Variants in ZNF571 observed in about 807,000 individuals in gnomAD.
ZNF571 encodes zinc finger protein 571.
Under a neutral mutation model 7.7 loss-of-function variants are expected in ZNF571, and 4 were observed. The ratio of observed to expected loss-of-function variants is 0.52; its 90% confidence interval spans 0.25 to 1.18. The LOEUF is 1.18. Among genes scored for constraint, ZNF571 ranks in the 50% most tolerant of loss-of-function variants. The pLI is 0.14. For missense variants in ZNF571, 704 were observed against 726.9 expected (o/e 0.97, Z 0.36); for synonymous variants, 251 against 232.4 (o/e 1.08, Z -0.73).
Position 37,581,053 on chromosome 19 carries a change from T to C in ZNF571, c.136+2918A>G, listed in dbSNP as rs575230803. On this transcript the variant is annotated intron_variant, in intron 3 of 3. Transcript: ENST00000451802. Reference sequence around the variant, plus strand: ...ATAATTCTAGCATTATTTACTTCAATTGAAATTTTTGAAATATGCCTATTC... The same window carrying C: ...ATAATTCTAGCATTATTTACTTCAACTGAAATTTTTGAAATATGCCTATTC... 3.9e-5 allele frequency among the ~76,000 whole-genome samples: 6 copies of C among 152,348 alleles called. No homozygotes were observed. The East Asian group carries it at 1.2e-3, about 29-fold the overall frequency.
At position 37,565,632 on chromosome 19, in the gene ZNF571, ATT is replaced by A; in HGVS notation, c.794_795del (p.Gln265LeufsTer9). 1 of 1,613,356 alleles carries A rather than the reference ATT, an allele frequency of 6.2e-7. No homozygotes were observed. Among genetic ancestry groups the A allele is most frequent in the Non-Finnish European group, 8.5e-7 (1 of 1,179,764 alleles). On this transcript the variant is annotated frameshift_variant, in exon 4 of 4. Coordinates refer to ENST00000451802, the MANE Select transcript of ZNF571 (RefSeq NM_016536.5). LOFTEE classifies it low-confidence loss of function (END_TRUNC). ...CTATGAATTCTCTGATGAAGAGTAT[ATT>A]GTGAACAATAACTAAAGGCTTTTCC... ...KCGKAFSYCSQYTLHQRIHSG... is the reference protein window; with the variant it reads ...KCGKAFSYCSXYTLHQRIHSG...
intron 3 of ZNF571, among the ~76,000 whole-genome samples, chr19:37,572,723 C>A (rs928593290): frequency 3.3e-5 from 5 of 152,108 alleles, no homozygotes; most frequent in Non-Finnish European, 7.4e-5. Flanking sequence ...AATCTGTTGG[C>A]CTTAGGAGCC....
Position 37,564,710 on chromosome 19 carries a change from A to C in ZNF571, c.1718T>G (p.Leu573Arg), listed in dbSNP as rs4802029. The C allele has an allele frequency of 6.2e-7, 1 of 1,613,518 alleles. No individual in the cohort carries two copies. The highest frequency in any genetic ancestry group is 8.5e-7 in the Non-Finnish European group (1 of 1,179,756). The change falls in exon 4 of 4, where the codon CTT (leucine) becomes CGT (arginine). Residue 573 changes from leucine (L) to arginine (R), a missense_variant. Transcript: ENST00000451802. ...CGRAFSRGSE[L>R]TLHQRIHTGE... Reference sequence around the variant, plus strand: ...AGTATGGATCCTTTGATGCAGAGTAAGTTCTGAGCCACGACTAAAGGCCCT... The same window carrying C: ...AGTATGGATCCTTTGATGCAGAGTACGTTCTGAGCCACGACTAAAGGCCCT...
intron 3 of ZNF571, among the ~76,000 whole-genome samples, chr19:37,573,918 C>T (rs900239553): frequency 2.6e-5 from 4 of 152,068 alleles, no homozygotes; most frequent in Non-Finnish European, 5.9e-5. Context: ...CAATCTGTGC[C>T]CTAACACAAA....
chr19:37,570,393 T>C (rs1340187863), intron 3 of ZNF571, among the ~76,000 whole-genome samples: 1 of 152,106 alleles, frequency 6.6e-6, no homozygotes, highest in African/African-American at 2.4e-5. Context: ...TTTTCCTTCA[T>C]GTCTTTCCCT....
rs1214014935 is a variant in ZNF571, at chr19:37,574,239, A to G, written c.137-7948T>C. On this transcript the variant is annotated intron_variant, in intron 3 of 3. Transcript: ENST00000451802. ...GATTTAATTATTAAAACCGCAACGTATGCTAACACCTGAGCCCTTTAAATC... is the reference window on the plus strand; with the variant it reads ...GATTTAATTATTAAAACCGCAACGTGTGCTAACACCTGAGCCCTTTAAATC... Among the ~76,000 whole-genome samples the G allele has an allele frequency of 1.1e-4, 16 of 152,302 alleles. 1 individual carries two copies. Among genetic ancestry groups the G allele is most frequent in the Non-Finnish European group, 1.5e-5 (1 of 68,020 alleles).
chr19:37,584,733 C>A (rs1019673036), intron 2 of ZNF571, among the ~76,000 whole-genome samples: 2 of 151,912 alleles, frequency 1.3e-5, no homozygotes, highest in South Asian at 2.1e-4. Flanking sequence ...GAGGCCGAGG[C>A]GGGCGGATCA....
At chr19:37,585,219 G>A (rs1021444052) in intron 2 of ZNF571, 1 of 152,208 alleles carries the variant, frequency 6.6e-6, no homozygotes, top group African/African-American at 2.4e-5. Context: ...GGTTGTAGAA[G>A]GCAGAATAAA....
At chr19:37,593,460 C>T (rs1373849937) in intron 1 of ZNF571, among the ~76,000 whole-genome samples, 2 of 152,102 alleles carry the variant, frequency 1.3e-5, no homozygotes, top group African/African-American at 4.8e-5. Context: ...TCCCAGCACT[C>T]TGGGAGGCCC....
At chr19:37,578,912 G>A (rs746208218) in intron 3 of ZNF571, among the ~76,000 whole-genome samples, 39 of 152,176 alleles carry the variant, frequency 2.6e-4, no homozygotes, top group South Asian at 8.3e-4. Context: ...ACCTCTGTAT[G>A]CCCTAAACAG....
Position 37,569,244 on chromosome 19 carries a change from C to T in ZNF571, c.137-2953G>A, listed in dbSNP as rs1255246505. On this transcript the variant is annotated intron_variant, in intron 3 of 3. Transcript: ENST00000451802. This position sits in a 1 kb window ranked among gnomAD's most constrained non-coding sequence, Gnocchi z 4.4. ...CTAGGATTACAGGCATGAGTCACTGCGCCTGGCCCCAAAGCATCCGGAACC... is the reference window on the plus strand; with the variant it reads ...CTAGGATTACAGGCATGAGTCACTGTGCCTGGCCCCAAAGCATCCGGAACC... Among the ~76,000 whole-genome samples the T allele has an allele frequency of 1.3e-5, 2 of 152,026 alleles. No homozygotes were observed. The highest frequency in any genetic ancestry group is 3.9e-4 in the East Asian group (2 of 5,178).
chr19:37,580,787 T>C (rs1165661339), intron 3 of ZNF571, among the ~76,000 whole-genome samples: 1 of 152,210 alleles, frequency 6.6e-6, no homozygotes, highest in African/African-American at 2.4e-5. Context: ...GGAAGCAGCC[T>C]GAGGTCCTCA....
chr19:37,593,196 G>A (rs2043918326), intron 1 of ZNF571, among the ~76,000 whole-genome samples: 1 of 151,742 alleles, frequency 6.6e-6, no homozygotes, highest in Non-Finnish European at 1.5e-5. Context: ...GGTAATATAT[G>A]CTTATAAGAG....
chr19:37,565,627 A>T lies in ZNF571; in HGVS notation c.801T>A (p.Thr267=). The T allele has an allele frequency of 3.1e-6, 5 of 1,613,342 alleles. No homozygotes were observed. The highest frequency in any genetic ancestry group is 4.2e-6 in the Non-Finnish European group (5 of 1,179,768). Residue 267 remains threonine (T), a synonymous_variant, in exon 4 of 4, where the codon ACT becomes ACA. Coordinates refer to ENST00000451802, the MANE Select transcript of ZNF571 (RefSeq NM_016536.5). The stretch of plus-strand genomic sequence containing the variant: ...CACCACTATGAATTCTCTGATGAAG[A>T]GTATATTGTGAACAATAACTAAAGG... ...GKAFSYCSQY[T]LHQRIHSGEK...
intron 3 of ZNF571, among the ~76,000 whole-genome samples, chr19:37,578,821 C>A (rs1193375564): frequency 1.3e-5 from 2 of 152,198 alleles, no homozygotes; most frequent in African/African-American, 4.8e-5. Context: ...GCAGCAACCG[C>A]ACCTCCGCCT....
intron 1 of ZNF571, among the ~76,000 whole-genome samples, chr19:37,588,055 G>A (rs1381856214): frequency 8.4e-6 from 1 of 119,670 alleles, no homozygotes; most frequent in Admixed American, 1.1e-4. Context: ...ACCCAAGATT[G>A]CGCCACTGCA....
chr19:37,591,564 G>C (rs2043868036), intron 1 of ZNF571, among the ~76,000 whole-genome samples: 1 of 152,154 alleles, frequency 6.6e-6, no homozygotes, highest in African/African-American at 2.4e-5. Flanking sequence ...TTTATCTTGA[G>C]ATGGAGTTTC....
Position 37,564,540 on chromosome 19 carries a change from C to A in ZNF571, c.*58G>T. 1 of 1,422,874 alleles carries A rather than the reference C, an allele frequency of 7.0e-7. No individual in the cohort carries two copies. The highest frequency in any genetic ancestry group is 9.3e-7 in the Non-Finnish European group (1 of 1,076,650). The allele number at this position is 1,422,874 out of a possible 1,614,324, so 88.1% of individuals were successfully genotyped here. On this transcript the variant is annotated 3_prime_UTR_variant, in exon 4 of 4. Transcript: ENST00000451802. ...GAGCAGAAGCAAGATGTTCTACATT[C>A]ATTATAGATATGAAATAGATGAAGA...
chr19:37,593,998 C>T (rs1157025337), intron 1 of ZNF571: 1 of 152,118 alleles, frequency 6.6e-6, no homozygotes, highest in Non-Finnish European at 1.5e-5. Context: ...GGGTGCCTCT[C>T]TTGGAAAACG....
Sources: gnomAD v4.1 joint callset for allele counts (sites outside exome capture counted in the v4.1 genomes callset) on GRCh38, gnomAD v4.1.1 for gene constraint, Gnocchi (gnomAD v3.1) non-coding constraint, MANE v1.5 for transcripts, NCBI Gene and HGNC (gene_info 2026-07-23, HGNC 2026-07-21) for gene names.